The following THSD7B variants were observed in gnomAD, a reference collection of about 807,000 sequenced individuals.
The protein encoded by THSD7B is thrombospondin type-1 domain-containing protein 7B.
In THSD7B, 138 loss-of-function variants were observed where a neutral mutation model predicts 213.6. The observed-to-expected ratio is 0.65, with a 90% CI of 0.56 to 0.74. The LOEUF is 0.74. Ranked by LOEUF, THSD7B falls within the 30% of genes least tolerant of loss-of-function variation. The pLI is 0.00. For missense variants in THSD7B, 1,931 were observed against 1,991.5 expected (o/e 0.97, Z 0.58); for synonymous variants, 742 against 687.0 (o/e 1.08, Z -1.25).
intron 21 of THSD7B, among the ~76,000 whole-genome samples, chr2:137,651,765 A>G (rs939588506): frequency 5.3e-5 from 8 of 151,662 alleles, no homozygotes; most frequent in Non-Finnish European, 1.0e-4. Context: ...CTCCATTTTC[A>G]TTGTTTTAAG....
rs532918674 is a variant in THSD7B, at chr2:136,942,539, G to T, written c.139+60222G>T. Among the ~76,000 whole-genome samples, 39 of 152,286 alleles carry T rather than the reference G, an allele frequency of 2.6e-4. 1 individual carries two copies. The highest frequency in any genetic ancestry group is 2.0e-3 in the Admixed American group (30 of 15,294). ...CTTCTATTTCACTGAGCAGTGGTTT[G>T]TAGTTCTCCTTGAAGAGGTCCTTCA... On this transcript the variant is annotated intron_variant, in intron 2 of 27. Transcript: ENST00000409968.
intron 2 of THSD7B, among the ~76,000 whole-genome samples, chr2:136,915,010 A>G (rs1464704658): frequency 2.0e-5 from 3 of 152,198 alleles, no homozygotes. Flanking sequence ...GAAAAATTCA[A>G]GTTAAAAATA....
intron 7 of THSD7B, among the ~76,000 whole-genome samples, chr2:137,197,431 A>G (rs189045866): frequency 7.0e-4 from 106 of 152,362 alleles, no homozygotes; most frequent in Non-Finnish European, 1.0e-3. Flanking sequence ...CAAGTAAAAA[A>G]TAAAAATAAA....
intron 15 of THSD7B, among the ~76,000 whole-genome samples, chr2:137,546,432 ATAT>A (rs1163263366): frequency 2.6e-4 from 8 of 30,326 alleles, no homozygotes; most frequent in African/African-American, 4.4e-4. Flanking sequence ...TATTATATAT[ATAT>A]TATATATATT....
intron 14 of THSD7B, among the ~76,000 whole-genome samples, chr2:137,426,733 T>C (rs566177767): frequency 6.6e-6 from 1 of 152,270 alleles, no homozygotes; most frequent in East Asian, 1.9e-4. Flanking sequence ...ATTCATGACA[T>C]TGGTCTTGAC....
At chr2:136,855,391 C>T (rs148173810) in intron 1 of THSD7B, among the ~76,000 whole-genome samples, 3 of 152,026 alleles carry the variant, frequency 2.0e-5, no homozygotes, top group East Asian at 1.9e-4. Context: ...CTTTAGAGGA[C>T]GTCTATGACC....
intron 2 of THSD7B, among the ~76,000 whole-genome samples, chr2:137,047,870 T>C (rs1686997655): frequency 6.6e-6 from 1 of 152,214 alleles, no homozygotes; most frequent in Non-Finnish European, 1.5e-5. Context: ...GTCTCAAGAC[T>C]ATATTTTAAG....
chr2:137,385,910 T>G (rs1685884451), intron 12 of THSD7B, among the ~76,000 whole-genome samples: 1 of 152,232 alleles, frequency 6.6e-6, no homozygotes, highest in Non-Finnish European at 1.5e-5. Context: ...CCTTTAACTC[T>G]TTGGACTTGT....
intron 2 of THSD7B, among the ~76,000 whole-genome samples, chr2:137,014,700 C>T (rs1686304648): frequency 1.3e-5 from 2 of 152,200 alleles, no homozygotes; most frequent in Non-Finnish European, 2.9e-5. Flanking sequence ...TCCGTGACTC[C>T]AACATGAGCT....
At chr2:136,840,781 A>G (rs1000509213) in intron 1 of THSD7B, among the ~76,000 whole-genome samples, 8 of 152,206 alleles carry the variant, frequency 5.3e-5, no homozygotes, top group Admixed American at 4.6e-4. Context: ...TTGGAAGGGA[A>G]TAAGCCTGCT....
chr2:137,320,704 A>G (rs1684246285), intron 12 of THSD7B, among the ~76,000 whole-genome samples: 1 of 152,244 alleles, frequency 6.6e-6, no homozygotes, highest in Non-Finnish European at 1.5e-5. Flanking sequence ...AGTGCTTACA[A>G]AGGTGGAATG....
chr2:137,124,207 C>A (rs1688594891), intron 5 of THSD7B, among the ~76,000 whole-genome samples: 1 of 152,190 alleles, frequency 6.6e-6, no homozygotes, highest in Admixed American at 6.5e-5. Flanking sequence ...GTCAGCTGAA[C>A]TGGATTTTTC....
At position 137,007,135 on chromosome 2, in the gene THSD7B, A is replaced by G. The variant is rs184792309; in HGVS notation, c.140-49285A>G. Among the ~76,000 whole-genome samples the G allele has an allele frequency of 8.1e-4, 123 of 152,310 alleles. 2 individuals are homozygous for G. The highest frequency in any genetic ancestry group is 2.9e-3 in the African/African-American group (122 of 41,572). ...GCATCGTTGCATATGACTAATAGTG[A>G]GGTTTGAATGCAAACAGACATTCCT... On this transcript the variant is annotated intron_variant, in intron 2 of 27. Coordinates refer to ENST00000409968, the MANE Select transcript of THSD7B (RefSeq NM_001316349.2).
At chr2:137,588,966 G>A (rs1681805599) in intron 17 of THSD7B, among the ~76,000 whole-genome samples, 1 of 151,996 alleles carries the variant, frequency 6.6e-6, no homozygotes, top group Non-Finnish European at 1.5e-5. Flanking sequence ...TTTTAGTAGA[G>A]ATGGGGTTTT....
chr2:137,134,118 A>G (rs996080209), intron 5 of THSD7B, among the ~76,000 whole-genome samples: 2 of 152,308 alleles, frequency 1.3e-5, no homozygotes, highest in Admixed American at 6.5e-5. Context: ...CAACATCCCA[A>G]TCAAGTAAGC....
chr2:136,845,392 C>T (rs578012684), intron 1 of THSD7B, among the ~76,000 whole-genome samples: 7 of 152,220 alleles, frequency 4.6e-5, no homozygotes, highest in East Asian at 1.9e-4. Context: ...GATGAGAAGC[C>T]GTGATAAGCA....
chr2:137,647,421 T>TTCTCTCTCTC (rs60400076), intron 21 of THSD7B, among the ~76,000 whole-genome samples: 15 of 84,504 alleles, frequency 1.8e-4, no homozygotes, highest in African/African-American at 6.3e-4. Context: ...CTCTGTCTCT[T>TTCTCTCTCTC]TCTCTCTCTC....
intron 12 of THSD7B, among the ~76,000 whole-genome samples, chr2:137,358,948 G>A (rs1188145054): frequency 6.6e-6 from 1 of 152,146 alleles, no homozygotes; most frequent in Non-Finnish European, 1.5e-5. Flanking sequence ...TTTGTTAAAA[G>A]AAGGCTTTTA....
chr2:137,212,770 T>C (rs762356760), intron 7 of THSD7B, among the ~76,000 whole-genome samples: 1 of 152,074 alleles, frequency 6.6e-6, no homozygotes, highest in Non-Finnish European at 1.5e-5. Context: ...GCTGAGGCTC[T>C]TTAATATGTG....
Sources: gnomAD v4.1 joint callset for allele counts (sites outside exome capture counted in the v4.1 genomes callset) on GRCh38, gnomAD v4.1.1 for gene constraint, MANE v1.5 for transcripts, NCBI Gene and HGNC (gene_info 2026-07-23, HGNC 2026-07-21) for gene names.